DNAJC10: variants seen among roughly 807,000 people sequenced by gnomAD.
DNAJC10 encodes the protein endoplasmic reticulum disulfide reductase DNAJC10.
DNAJC10 carries 101 observed loss-of-function variants against 115.0 expected under a neutral mutation model. The observed-to-expected ratio is 0.88, with a 90% CI of 0.75 to 1.04. DNAJC10 has a LOEUF of 1.04. Among genes scored for constraint, DNAJC10 ranks in the 50% least tolerant of loss-of-function variants. The pLI is 0.00. For missense variants in DNAJC10, 981 were observed against 928.8 expected, an observed-to-expected ratio of 1.06 and a Z score of -0.73; for synonymous variants, 307 against 301.5, an observed-to-expected ratio of 1.02 and a Z score of -0.19.
intron 18 of DNAJC10, among the ~76,000 whole-genome samples, chr2:182,756,864 C>T (rs1162348066): frequency 2.0e-5 from 3 of 152,114 alleles, no homozygotes; most frequent in Non-Finnish European, 4.4e-5. Context: ...GTCTTGAACC[C>T]CTGGCCTCAA....
At chr2:182,742,040 A>G (rs963158806) in intron 13 of DNAJC10, among the ~76,000 whole-genome samples, 9 of 152,134 alleles carry the variant, frequency 5.9e-5, no homozygotes, top group African/African-American at 1.4e-4. Context: ...GTACACATGT[A>G]TATCCTCCTT....
At chr2:182,718,433 C>A in intron 3 of DNAJC10, 143 bp downstream of exon 3, 1 of 731,196 alleles carries the variant, frequency 1.4e-6, no homozygotes, top group South Asian at 2.4e-5. Flanking sequence ...GAAACAAAAG[C>A]ACCAAAATGT....
intron 18 of DNAJC10, among the ~76,000 whole-genome samples, chr2:182,756,796 G>A (rs1207210840): frequency 2.0e-5 from 3 of 151,956 alleles, no homozygotes; most frequent in Non-Finnish European, 4.4e-5. Flanking sequence ...GTGCCACCAC[G>A]CCTAGCTAAT....
At position 182,759,318 on chromosome 2, in the gene DNAJC10, C is replaced by A. The variant is rs776769402; in HGVS notation, c.2145+11C>A. 8.0e-5 allele frequency: 129 copies of A among 1,603,016 alleles called. No homozygotes were observed. The highest frequency in any genetic ancestry group is 1.0e-4 in the Non-Finnish European group (123 of 1,177,326). On this transcript the variant is annotated intron_variant, in intron 21 of 23. Coordinates refer to ENST00000264065, the MANE Select transcript of DNAJC10 (RefSeq NM_018981.4). ...GAGCTCTTGGCTAGGGTAAGTCATA[C>A]CTGTCTTAAATAAGTTGTAGCCACA...
At chr2:182,745,747 T>C (rs1436472320) in intron 14 of DNAJC10, among the ~76,000 whole-genome samples, 1 of 152,012 alleles carries the variant, frequency 6.6e-6, no homozygotes, top group Non-Finnish European at 1.5e-5. Context: ...TTTAATTTAT[T>C]ATTATTATAC....
intron 22 of DNAJC10, among the ~76,000 whole-genome samples, chr2:182,773,378 T>G (rs1694617591): frequency 6.6e-6 from 1 of 152,174 alleles, no homozygotes; most frequent in Admixed American, 6.5e-5. Flanking sequence ...AATGTTGGCC[T>G]GCCTTGATAG....
At chr2:182,719,536 G>A (rs1428681437) in intron 3 of DNAJC10, among the ~76,000 whole-genome samples, 1 of 151,706 alleles carries the variant, frequency 6.6e-6, no homozygotes, top group Non-Finnish European at 1.5e-5. Context: ...ATCGATTTTG[G>A]GGTGTTTTCT....
chr2:182,739,568 C>T lies in DNAJC10; in HGVS notation c.988-731C>T, dbSNP rs748876122. The T allele has an allele frequency of 1.4e-5, 17 of 1,221,888 alleles. No individual in the cohort carries two copies. In the East Asian group the frequency reaches 3.2e-4, roughly 23 times the overall value. The allele number at this position is 1,221,888 out of a possible 1,614,324, so 75.7% of individuals were successfully genotyped here. ...AGCTGCTTCATTGAGAGAATCAGACCAGCAGAGAGAGAGAGTTATATGACA... is the reference window on the plus strand; with the variant it reads ...AGCTGCTTCATTGAGAGAATCAGACTAGCAGAGAGAGAGAGTTATATGACA... On this transcript the variant is annotated intron_variant, in intron 11 of 23. Transcript: ENST00000264065.
At chr2:182,750,458 A>C (rs2105665230) in intron 14 of DNAJC10, among the ~76,000 whole-genome samples, 1 of 152,340 alleles carries the variant, frequency 6.6e-6, no homozygotes, top group Non-Finnish European at 1.5e-5. Flanking sequence ...GTTATTGCCA[A>C]GATAAGGTTG....
intron 22 of DNAJC10, among the ~76,000 whole-genome samples, chr2:182,769,017 C>G (rs777050993): frequency 3.9e-5 from 6 of 151,996 alleles, no homozygotes; most frequent in Non-Finnish European, 7.4e-5. Flanking sequence ...GATGTTCCCC[C>G]CACTGTGTCC....
Position 182,720,131 on chromosome 2 carries a change from G to A in DNAJC10, c.329G>A (p.Gly110Asp). ...AAGGGACTTGAGGATAATCAAGGTG[G>A]CCAGTATGAAAGCTGGAACTATTAT... ...GEKGLEDNQG[G>D]QYESWNYYRY... is the part of the protein sequence containing the mutation. The change falls in exon 4 of 24, where the codon GGC (glycine) becomes GAC (aspartate). Residue 110 changes from glycine to aspartate, a missense_variant. Gly to Asp is a moderately conservative substitution (Grantham distance 94). Coordinates refer to ENST00000264065, the MANE Select transcript of DNAJC10 (RefSeq NM_018981.4). 6.2e-7 allele frequency: 1 copy of A among 1,611,122 alleles called. No individual in the cohort carries two copies. The highest frequency in any genetic ancestry group is 8.5e-7 in the Non-Finnish European group (1 of 1,178,910).
intron 14 of DNAJC10, among the ~76,000 whole-genome samples, chr2:182,749,485 C>CT (rs1403042692): frequency 1.3e-5 from 2 of 148,824 alleles, no homozygotes; most frequent in Admixed American, 6.7e-5. Context: ...CAACCCCTGC[C>CT]TTTTTTTGTT....
chr2:182,774,016 G>A (rs1694638163), intron 22 of DNAJC10, among the ~76,000 whole-genome samples: 1 of 152,158 alleles, frequency 6.6e-6, no homozygotes, highest in Non-Finnish European at 1.5e-5. Context: ...TGGGGTTTTG[G>A]TGTAGATGAC....
At chr2:182,759,403 A>C (rs778735427) in intron 21 of DNAJC10, 96 bp downstream of exon 21, 1 of 1,191,008 alleles carries the variant, frequency 8.4e-7, no homozygotes, top group South Asian at 1.4e-5. Context: ...TTTTTTTCTT[A>C]AATGTTTCCT....
intron 21 of DNAJC10, among the ~76,000 whole-genome samples, chr2:182,762,170 A>AAGAG (rs369640149): frequency 2.7e-5 from 4 of 149,080 alleles, no homozygotes; most frequent in African/African-American, 7.4e-5. Flanking sequence ...AAAAAAAAAA[A>AAGAG]AGAGAGAGAG....
chr2:182,775,094 A>G (rs1176105871), intron 22 of DNAJC10, among the ~76,000 whole-genome samples: 1 of 144,996 alleles, frequency 6.9e-6, no homozygotes, highest in African/African-American at 2.5e-5. Context: ...TTTTTTAACA[A>G]TTGTTTCATG....
intron 5 of DNAJC10, among the ~76,000 whole-genome samples, chr2:182,724,225 C>CT (rs766712420): frequency 4.1e-4 from 63 of 151,974 alleles, no homozygotes; most frequent in African/African-American, 1.4e-3. Flanking sequence ...AAAAGATTGA[C>CT]TTTTTTTTAA....
intron 22 of DNAJC10, among the ~76,000 whole-genome samples, chr2:182,773,252 C>G (rs1172699887): frequency 1.3e-5 from 2 of 152,156 alleles, no homozygotes; most frequent in Non-Finnish European, 2.9e-5. Flanking sequence ...TTTCTCTCTG[C>G]CTGCCCTTAA....
intron 11 of DNAJC10, among the ~76,000 whole-genome samples, chr2:182,737,654 C>T (rs1181571373): frequency 3.3e-5 from 5 of 152,110 alleles, no homozygotes; most frequent in African/African-American, 9.7e-5. Context: ...TACATACTTA[C>T]ATATCACTGC....
Sources: allele counts gnomAD v4.1 joint callset (sites outside exome capture counted in the v4.1 genomes callset), GRCh38; gene constraint gnomAD v4.1.1; transcripts MANE v1.5; gene names NCBI Gene and HGNC (gene_info 2026-07-23, HGNC 2026-07-21).